The following RGS5 variants were observed in gnomAD, a reference collection of about 807,000 sequenced individuals.
RGS5 encodes regulator of G-protein signalling 5.
RGS5 carries 20 observed loss-of-function variants against 18.9 expected under a neutral mutation model. That is an observed-to-expected ratio of 1.06 (90% CI 0.74 to 1.54). The LOEUF (loss-of-function observed/expected upper bound fraction) is 1.54, where lower values mean the gene tolerates loss of function less well. RGS5 is among the 40% of genes most tolerant of loss of function. RGS5 has a pLI of 0.00. For missense variants in RGS5, 201 were observed against 211.8 expected (o/e 0.95, Z 0.32); for synonymous variants, 57 against 76.2 (o/e 0.75, Z 1.31).
upstream of RGS5, chr1:163,203,078 G>T: frequency 2.1e-6 from 1 of 478,956 alleles, no homozygotes; most frequent in Non-Finnish European, 3.8e-6. Context: ...GCACTACTGT[G>T]GCATAAGGCT....
upstream of RGS5, among the ~76,000 whole-genome samples, chr1:163,203,855 G>C (rs16850581): frequency 0.04 from 6,146 of 151,818 alleles, 351 homozygotes; most frequent in African/African-American, 0.13. Context: ...AAATTTACCT[G>C]AATTGTGTCT....
At chr1:163,208,629 T>C (rs1000858460) in intron 1 of RGS5, among the ~76,000 whole-genome samples, 1 of 132,816 alleles carries the variant, frequency 7.5e-6, no homozygotes, top group African/African-American at 2.8e-5. Context: ...AATAAAGAAA[T>C]GGACAAGGGT....
At position 163,152,724 on chromosome 1, in the gene RGS5, GA is replaced by G. The variant is rs972668752; in HGVS notation, c.218-9del. 18 of 1,562,436 alleles carry G rather than the reference GA, an allele frequency of 1.2e-5. No individual in the cohort carries two copies. Among genetic ancestry groups the G allele is most frequent in the South Asian group, 3.7e-5 (3 of 80,856 alleles). ...TGAAACTGGCAAGTCCATCTGGAAA[GA>G]AAAAAACAGTCAGCTGGAGAAATTT... On this transcript the variant is annotated splice_polypyrimidine_tract_variant and intron_variant, in intron 3 of 4. Transcript: ENST00000313961.
intron 1 of RGS5, among the ~76,000 whole-genome samples, chr1:163,176,996 T>G (rs1658587560): frequency 6.6e-6 from 1 of 152,234 alleles, no homozygotes; most frequent in Non-Finnish European, 1.5e-5. Context: ...AGGTGGCTGC[T>G]GTAGCTGCCT....
chr1:163,311,666 C>T (rs570584460), intron 1 of RGS5, among the ~76,000 whole-genome samples: 85 of 152,144 alleles, frequency 5.6e-4, no homozygotes, highest in Non-Finnish European at 1.1e-3. Flanking sequence ...TTAGAACACA[C>T]TCAATATTTA....
At chr1:163,247,499 C>T (rs1172473272) in intron 2 of RGS5, among the ~76,000 whole-genome samples, 1 of 149,000 alleles carries the variant, frequency 6.7e-6, no homozygotes, top group Non-Finnish European at 1.5e-5. Flanking sequence ...GCATTTAACT[C>T]TACTAAAAAC....
chr1:163,229,798 T>TA (rs2101683707), intron 2 of RGS5, among the ~76,000 whole-genome samples: 1 of 152,336 alleles, frequency 6.6e-6, no homozygotes, highest in African/African-American at 2.4e-5. Flanking sequence ...ATACTCTCCT[T>TA]ACGTCCTTCC....
chr1:163,298,703 G>A lies in RGS5; in HGVS notation c.-281+7530C>T, dbSNP rs144767867. 3.3e-5 allele frequency among the ~76,000 whole-genome samples: 5 copies of A among 152,264 alleles called. No individual in the cohort carries two copies. The East Asian group carries it at 9.7e-4, about 29-fold the overall frequency. On this transcript the variant is annotated intron_variant, in intron 2 of 5. Coordinates refer to the RGS5 transcript ENST00000618415. The stretch of plus-strand genomic sequence containing the variant: ...TGTGAGTTAATCTTCCTTCACTGAT[G>A]AGATTCCCAGGGAGGATACCTATGA...
chr1:163,204,309 CCACA>C (rs10616125), upstream of RGS5, among the ~76,000 whole-genome samples: 21,813 of 144,794 alleles, frequency 0.15, 1,566 homozygotes, highest in Middle Eastern at 0.21. Context: ...TGGCTCTAAA[CCACA>C]CACACACACA....
intron 2 of RGS5, among the ~76,000 whole-genome samples, chr1:163,302,002 GT>G (rs35908469): frequency 0.02 from 2,754 of 139,416 alleles, 37 homozygotes; most frequent in African/African-American, 0.032. Flanking sequence ...AATTTTTCCT[GT>G]TTTTTTTTTT....
intron 1 of RGS5, among the ~76,000 whole-genome samples, chr1:163,182,158 T>TGGATA (rs994162114): frequency 7.2e-5 from 11 of 152,114 alleles, no homozygotes; most frequent in Admixed American, 2.6e-4. Context: ...AATGGATAAA[T>TGGATA]GGATAGGATA....
intron 2 of RGS5, among the ~76,000 whole-genome samples, chr1:163,165,590 G>A (rs1057176639): frequency 1.3e-5 from 2 of 152,174 alleles, no homozygotes; most frequent in African/African-American, 4.8e-5. Flanking sequence ...GGGACTAGAA[G>A]TTAAGGAAGA....
At chr1:163,288,276 T>G (rs1407287833) in intron 2 of RGS5, among the ~76,000 whole-genome samples, 2 of 152,152 alleles carry the variant, frequency 1.3e-5, no homozygotes, top group African/African-American at 4.8e-5. Context: ...GCCAATGGAC[T>G]TCAGGTAGTT....
intron 2 of RGS5, among the ~76,000 whole-genome samples, chr1:163,236,777 A>T (rs184606378): frequency 1.5e-3 from 229 of 152,270 alleles, no homozygotes; most frequent in African/African-American, 5.2e-3. Flanking sequence ...CCTGGCCAAC[A>T]TGGTGAAAAC....
intron 1 of RGS5, among the ~76,000 whole-genome samples, chr1:163,183,662 T>C (rs1247266003): frequency 6.6e-6 from 1 of 152,178 alleles, no homozygotes; most frequent in East Asian, 1.9e-4. Context: ...AATTAGATAA[T>C]ATCAAATACA....
intron 2 of RGS5, among the ~76,000 whole-genome samples, chr1:163,292,799 T>C (rs3010369): frequency 0.87 from 132,096 of 152,168 alleles, 58,410 homozygotes; most frequent in Non-Finnish European, 0.95. Flanking sequence ...ATGTGTTTGT[T>C]GGCTGCATGT....
At chr1:163,299,462 T>C (rs1384127042) in intron 2 of RGS5, among the ~76,000 whole-genome samples, 1 of 152,234 alleles carries the variant, frequency 6.6e-6, no homozygotes, top group East Asian at 1.9e-4. Context: ...GCCTTCGTTC[T>C]GCCACCGTAA....
intron 1 of RGS5, among the ~76,000 whole-genome samples, chr1:163,317,631 C>T (rs1427820594): frequency 6.6e-6 from 1 of 152,136 alleles, no homozygotes; most frequent in Non-Finnish European, 1.5e-5. Context: ...TTCAAAGTTA[C>T]TATTAGCCTT....
intron 1 of RGS5, among the ~76,000 whole-genome samples, chr1:163,185,997 C>T (rs1209638513): frequency 2.6e-5 from 4 of 152,016 alleles, no homozygotes; most frequent in African/African-American, 9.7e-5. Flanking sequence ...CATGCAATAT[C>T]ACCTCTCTCA....
Sources: gnomAD v4.1 joint callset for allele counts (sites outside exome capture counted in the v4.1 genomes callset) on GRCh38, gnomAD v4.1.1 for gene constraint, MANE v1.5 for transcripts, NCBI Gene and HGNC (gene_info 2026-07-23, HGNC 2026-07-21) for gene names.